Variants in JAK1 observed in about 807,000 individuals in gnomAD.
The protein encoded by JAK1 is tyrosine-protein kinase JAK1.
JAK1 carries 16 observed loss-of-function variants against 136.6 expected under a neutral mutation model. The ratio of observed to expected loss-of-function variants is 0.12; its 90% CI spans 0.08 to 0.18. The LOEUF (loss-of-function observed/expected upper bound fraction) is 0.18. JAK1 is among the 10% of genes least tolerant of loss of function. The pLI is 1.00. For missense variants in JAK1, 859 were observed against 1,450.1 expected, an observed-to-expected ratio of 0.59 and a Z score of 6.62; for synonymous variants, 492 against 519.5, an observed-to-expected ratio of 0.95 and a Z score of 0.72.
At position 64,938,648 on chromosome 1, in the gene JAK1, T is replaced by A. The variant is rs538020269; in HGVS notation, c.-78+27685A>T. On this transcript the variant is annotated intron_variant, in intron 1 of 24. Coordinates refer to ENST00000342505, the MANE Select transcript of JAK1 (RefSeq NM_002227.4). ...CCATTTATAAATCCCAAGAACAGTA[T>A]TCACTGTAAATCAAACTAGTAAGTA... 2.6e-5 allele frequency among the ~76,000 whole-genome samples: 4 copies of A among 152,310 alleles called. No individual in the cohort carries two copies. The South Asian group carries it at 8.3e-4, about 32-fold the overall frequency.
At chr1:65,040,616 A>T (rs748867598) in intron 2 of JAK1, among the ~76,000 whole-genome samples, 2 of 147,524 alleles carry the variant, frequency 1.4e-5, no homozygotes, top group Non-Finnish European at 3.0e-5. Flanking sequence ...TGTCCACAAC[A>T]ATCTCCCTAC....
chr1:65,051,954 T>C (rs1647296475), intron 1 of JAK1, among the ~76,000 whole-genome samples: 2 of 152,098 alleles, frequency 1.3e-5, no homozygotes, highest in Admixed American at 1.3e-4. Flanking sequence ...GTTCCATACC[T>C]GCTTGCTTAT....
At chr1:64,937,520 T>C (rs1645811116) in intron 1 of JAK1, among the ~76,000 whole-genome samples, 1 of 152,234 alleles carries the variant, frequency 6.6e-6, no homozygotes, top group African/African-American at 2.4e-5. Context: ...GAAAGGAGCG[T>C]ATCACTGTTA....
In JAK1 at chr1:64,869,320, T is replaced by C. The variant is rs1656924273; in HGVS notation, c.638A>G (p.Lys213Arg). The C allele has an allele frequency of 1.2e-6, 2 of 1,613,804 alleles. No homozygotes were observed. Among genetic ancestry groups the C allele is most frequent in the Admixed American group, 1.7e-5 (1 of 60,006 alleles). Residue 213 changes from lysine to arginine, a missense_variant, in exon 6 of 25, where the codon AAG becomes AGG. Coordinates refer to ENST00000342505, the MANE Select transcript of JAK1 (RefSeq NM_002227.4). Reference protein sequence around the residue: ...MKKMQLPELPKDISYKRYIPE... With the variant: ...MKKMQLPELPRDISYKRYIPE... ...CAGTGGGAAGCTTTACCTGATGTCC[T>C]TGGGCAGTTCTGGCAACTGCATCTT... is the stretch of plus-strand genomic sequence containing the variant.
In JAK1 at chr1:64,853,124, G is replaced by T. The variant is rs79831818; in HGVS notation, c.1649-2214C>A. On this transcript the variant is annotated intron_variant, in intron 11 of 24. Transcript: ENST00000342505. ...CTATCAAAACCCCGTGGTTAGGAGA[G>T]CAGAGGAGCTGAAGAACCCAACACA... is the stretch of plus-strand genomic sequence containing the variant. 7.8e-3 allele frequency among the ~76,000 whole-genome samples: 1,186 copies of T among 152,348 alleles called. 8 individuals are homozygous for T. The highest frequency in any genetic ancestry group is 0.065 in the Middle Eastern group (19 of 294).
At chr1:64,856,406 T>C (rs1366067713) in intron 10 of JAK1, among the ~76,000 whole-genome samples, 1 of 152,198 alleles carries the variant, frequency 6.6e-6, no homozygotes, top group Non-Finnish European at 1.5e-5. Context: ...ACCTACCTAA[T>C]ATGGCTATTA....
intron 1 of JAK1, among the ~76,000 whole-genome samples, chr1:65,044,723 G>A (rs913060995): frequency 3.9e-5 from 6 of 152,164 alleles, no homozygotes; most frequent in African/African-American, 1.4e-4. Flanking sequence ...AGATGTACAC[G>A]CAGTTTGGGC....
intron 1 of JAK1, chr1:64,918,652 C>T: frequency 5.2e-6 from 1 of 191,748 alleles, no homozygotes; most frequent in South Asian, 9.5e-5. Flanking sequence ...ATGTGGATTA[C>T]AGTAAACTGA....
chr1:65,056,343 G>A (rs1171092833), intron 1 of JAK1, among the ~76,000 whole-genome samples: 2 of 152,238 alleles, frequency 1.3e-5, no homozygotes, highest in African/African-American at 4.8e-5. Context: ...GGCCAACCAA[G>A]TGTGGCTCAA....
intron 2 of JAK1, among the ~76,000 whole-genome samples, chr1:64,995,242 A>G (rs188259392): frequency 1.3e-5 from 2 of 152,300 alleles, no homozygotes; most frequent in East Asian, 1.9e-4. Context: ...TTTTTAGCAC[A>G]AAGGCTTAGG....
At chr1:64,858,637 A>G (rs993199177) in intron 9 of JAK1, among the ~76,000 whole-genome samples, 1 of 152,194 alleles carries the variant, frequency 6.6e-6, no homozygotes, top group Admixed American at 6.5e-5. Context: ...AGGGCCTACA[A>G]TGTGTCAGAC....
At chr1:64,955,299 G>A (rs912810344) in intron 1 of JAK1, among the ~76,000 whole-genome samples, 1 of 152,192 alleles carries the variant, frequency 6.6e-6, no homozygotes, top group African/African-American at 2.4e-5. Flanking sequence ...CTGGAACAGA[G>A]GATCACACAC....
chr1:64,838,604 C>T lies in JAK1; in HGVS notation c.2843-15G>A. ...ACCATTTCCTCCTGTTTAGAAAAAA[C>T]ATCCATCAGTCTGAGGCTGCCAAAT... On this transcript the variant is annotated splice_polypyrimidine_tract_variant and intron_variant, in intron 20 of 24. Coordinates refer to ENST00000342505, the MANE Select transcript of JAK1 (RefSeq NM_002227.4). 1 of 1,612,018 alleles carries T rather than the reference C, an allele frequency of 6.2e-7. No individual in the cohort carries two copies.
chr1:64,980,680 C>G (rs11208560), intron 2 of JAK1, among the ~76,000 whole-genome samples: 15,824 of 151,704 alleles, frequency 0.1, 1,434 homozygotes, highest in African/African-American at 0.23. Context: ...CCCATTAACT[C>G]GTCATTTACA....
intron 2 of JAK1, among the ~76,000 whole-genome samples, chr1:65,010,140 A>G (rs2100768115): frequency 6.6e-6 from 1 of 152,292 alleles, no homozygotes; most frequent in African/African-American, 2.4e-5. Flanking sequence ...ACTCCCTTTA[A>G]GAGGAAGAGT....
rs574372144 is a variant in JAK1, at chr1:64,844,527, G to A, written c.2251+227C>T. On this transcript the variant is annotated intron_variant, in intron 16 of 24. Transcript: ENST00000342505. The surrounding 1 kb of genome is among the most constrained non-coding windows in gnomAD (Gnocchi z 5.7). ...CCTTAGGATCAGCAAAACATCCCAG[G>A]GTGGGGGCCATCACCCAGGGCAGGA... Among the ~76,000 whole-genome samples, 1 of 152,318 alleles carries A rather than the reference G, an allele frequency of 6.6e-6. No homozygotes were observed. Among genetic ancestry groups the A allele is most frequent in the East Asian group, 1.9e-4 (1 of 5,172 alleles).
At chr1:64,912,574 C>T (rs1479182189) in intron 1 of JAK1, among the ~76,000 whole-genome samples, 1 of 152,210 alleles carries the variant, frequency 6.6e-6, no homozygotes, top group Non-Finnish European at 1.5e-5. Context: ...TTGCTAAGCA[C>T]TTACTATGCC....
At position 64,984,430 on chromosome 1, in the gene JAK1, A is replaced by G. The variant is rs1646579283; in HGVS notation, c.-78+60050T>C. Among the ~76,000 whole-genome samples, 1 of 152,206 alleles carries G rather than the reference A, an allele frequency of 6.6e-6. No homozygotes were observed. The highest frequency in any genetic ancestry group is 2.1e-4 in the South Asian group (1 of 4,834). ...CTCTCCTACGCAGAAGAGAATGTCC[A>G]AGAAATGAAATATTTTAAAAGCCAT... On this transcript the variant is annotated intron_variant, in intron 2 of 25. Transcript: ENST00000671954. This position sits in a 1 kb window ranked among gnomAD's most constrained non-coding sequence, Gnocchi z 4.1.
intron 7 of JAK1, among the ~76,000 whole-genome samples, chr1:64,866,042 G>A (rs565921499): frequency 8.8e-4 from 134 of 152,306 alleles, no homozygotes; most frequent in Non-Finnish European, 1.5e-3. Flanking sequence ...TTACAGGTGT[G>A]AGCCACTGCA....
Sources: gnomAD v4.1 joint callset for allele counts (sites outside exome capture counted in the v4.1 genomes callset) on GRCh38, gnomAD v4.1.1 for gene constraint, Gnocchi (gnomAD v3.1) non-coding constraint, MANE v1.5 for transcripts, NCBI Gene and HGNC (gene_info 2026-07-23, HGNC 2026-07-21) for gene names.